The following SOX5 variants were observed in gnomAD, a reference collection of about 807,000 sequenced individuals.
SOX5 encodes the protein transcription factor SOX-5.
SOX5 carries 9 observed loss-of-function variants against 92.0 expected under a neutral mutation model. That is an observed-to-expected ratio of 0.10 (90% CI 0.06 to 0.17). The LOEUF (loss-of-function observed/expected upper bound fraction) is 0.17, where lower values mean the gene tolerates loss of function less well. Ranked by LOEUF, SOX5 falls within the 10% of genes least tolerant of loss-of-function variation. The pLI is 1.00. For missense variants in SOX5, 642 were observed against 944.5 expected (o/e 0.68, Z 4.20); for synonymous variants, 344 against 336.3 (o/e 1.02, Z -0.25).
intron 3 of SOX5, among the ~76,000 whole-genome samples, chr12:24,244,839 G>A (rs763971669): frequency 2.0e-5 from 3 of 152,126 alleles, no homozygotes; most frequent in Non-Finnish European, 2.9e-5. Context: ...TTACAGGCAT[G>A]CACCACCACA....
intron 2 of SOX5, among the ~76,000 whole-genome samples, chr12:24,360,258 T>C (rs1023138777): frequency 1.3e-5 from 2 of 152,090 alleles, no homozygotes; most frequent in Admixed American, 1.3e-4. Context: ...CCAGCACACA[T>C]GTTTCAGGCA....
At chr12:24,221,195 G>A (rs1960331140) in intron 3 of SOX5, among the ~76,000 whole-genome samples, 1 of 152,092 alleles carries the variant, frequency 6.6e-6, no homozygotes, top group Non-Finnish European at 1.5e-5. Flanking sequence ...ATTAAATAAA[G>A]TAATTGTTAC....
intron 4 of SOX5, among the ~76,000 whole-genome samples, chr12:24,006,574 A>T (rs1952190295): frequency 6.6e-6 from 1 of 151,706 alleles, no homozygotes; most frequent in South Asian, 2.1e-4. Context: ...CTGTGCCTGG[A>T]CCTGTGCCAC....
intron 10 of SOX5, among the ~76,000 whole-genome samples, chr12:23,564,284 G>A (rs1565854353): frequency 6.6e-6 from 1 of 152,142 alleles, no homozygotes; most frequent in Non-Finnish European, 1.5e-5. Context: ...ACGATGATCT[G>A]CATGACATTA....
At chr12:23,886,201 C>T (rs1362127574) in intron 2 of SOX5, among the ~76,000 whole-genome samples, 1 of 151,874 alleles carries the variant, frequency 6.6e-6, no homozygotes, top group Non-Finnish European at 1.5e-5. Context: ...AGTGTTTGTC[C>T]TTGTATATAC....
At chr12:23,996,791 A>T (rs933036048) in intron 4 of SOX5, among the ~76,000 whole-genome samples, 1 of 152,212 alleles carries the variant, frequency 6.6e-6, no homozygotes, top group African/African-American at 2.4e-5. Flanking sequence ...CAGGGCAAAA[A>T]GCAGGTTTGT....
At chr12:24,229,054 C>T (rs1187324921) in intron 3 of SOX5, among the ~76,000 whole-genome samples, 1 of 152,202 alleles carries the variant, frequency 6.6e-6, no homozygotes, top group African/African-American at 2.4e-5. Flanking sequence ...ATCCATATCC[C>T]CACTTTGGCA....
chr12:24,013,608 C>T (rs988064462), intron 4 of SOX5, among the ~76,000 whole-genome samples: 15 of 152,152 alleles, frequency 9.9e-5, no homozygotes, highest in East Asian at 5.8e-4. Flanking sequence ...AAGACCCTTG[C>T]GGAGGGTCTG....
intron 4 of SOX5, among the ~76,000 whole-genome samples, chr12:24,127,198 C>T (rs1166043133): frequency 6.6e-6 from 1 of 151,636 alleles, no homozygotes; most frequent in Admixed American, 6.6e-5. Context: ...TGAGACCAGC[C>T]TGGGCAACAT....
intron 4 of SOX5, among the ~76,000 whole-genome samples, chr12:24,019,588 T>C (rs1954061301): frequency 6.6e-6 from 1 of 152,190 alleles, no homozygotes; most frequent in South Asian, 2.1e-4. Context: ...TGCATCTTGG[T>C]ATAAAGCTTA....
intron 1 of SOX5, among the ~76,000 whole-genome samples, chr12:24,457,217 T>C (rs1943115077): frequency 6.6e-6 from 1 of 152,200 alleles, no homozygotes; most frequent in African/African-American, 2.4e-5. Flanking sequence ...GAGTACCAGA[T>C]GTGACTAAGA....
intron 1 of SOX5, among the ~76,000 whole-genome samples, chr12:24,545,705 C>A (rs78793416): frequency 1.1e-3 from 164 of 152,324 alleles, no homozygotes; most frequent in Middle Eastern, 6.8e-3. Context: ...CGCTGCCCAG[C>A]GGCACTTGCT....
At chr12:23,783,247 T>G (rs1291956014) in intron 3 of SOX5, among the ~76,000 whole-genome samples, 2 of 152,194 alleles carry the variant, frequency 1.3e-5, no homozygotes, top group African/African-American at 4.8e-5. Flanking sequence ...AGAACAATAT[T>G]TTTTATGTTC....
chr12:23,760,090 A>C (rs2094522147), intron 3 of SOX5, among the ~76,000 whole-genome samples: 1 of 152,088 alleles, frequency 6.6e-6, no homozygotes, highest in South Asian at 2.1e-4. Flanking sequence ...AAGTACTGGA[A>C]TATCATGATT....
intron 4 of SOX5, among the ~76,000 whole-genome samples, chr12:23,978,562 C>G (rs1280879959): frequency 6.6e-6 from 1 of 152,104 alleles, no homozygotes; most frequent in African/African-American, 2.4e-5. Context: ...TCCTTCGTCA[C>G]AATACATGGT....
intron 2 of SOX5, among the ~76,000 whole-genome samples, chr12:24,351,272 T>C (rs1208714532): frequency 6.6e-6 from 1 of 152,216 alleles, no homozygotes; most frequent in Non-Finnish European, 1.5e-5. Context: ...GTCACGATTC[T>C]GTACTTTATC....
intron 8 of SOX5, among the ~76,000 whole-genome samples, chr12:23,605,555 G>A (rs150169829): frequency 1.5e-4 from 22 of 151,246 alleles, no homozygotes; most frequent in Non-Finnish European, 1.8e-4. Flanking sequence ...CATGGATAGC[G>A]TTTACAATGC....
At chr12:24,116,113 G>A (rs544702589) in intron 4 of SOX5, among the ~76,000 whole-genome samples, 43 of 152,068 alleles carry the variant, frequency 2.8e-4, no homozygotes, top group African/African-American at 4.6e-4. Context: ...CTGATAAAAC[G>A]TTACAACTGA....
At chr12:23,971,854 A>G (rs1424744215) in intron 4 of SOX5, among the ~76,000 whole-genome samples, 3 of 152,176 alleles carry the variant, frequency 2.0e-5, no homozygotes, top group African/African-American at 7.2e-5. Context: ...CATGTACTTT[A>G]TATCACTAAA....
Sources: gnomAD v4.1 joint callset for allele counts (sites outside exome capture counted in the v4.1 genomes callset) on GRCh38, gnomAD v4.1.1 for gene constraint, MANE v1.5 for transcripts, NCBI Gene and HGNC (gene_info 2026-07-23, HGNC 2026-07-21) for gene names.